The following CHTOP variants were observed in gnomAD, a reference collection of about 807,000 sequenced individuals.
CHTOP encodes the protein chromatin target of PRMT1 protein.
Under a neutral mutation model 33.6 loss-of-function variants are expected in CHTOP, and 18 were observed. The observed-to-expected ratio is 0.54, with a 90% CI of 0.37 to 0.80. The LOEUF (loss-of-function observed/expected upper bound fraction) is 0.80, where lower values mean the gene tolerates loss of function less well. CHTOP is among the 30% of genes least tolerant of loss of function. The pLI, the probability that CHTOP is intolerant of heterozygous loss-of-function variation, is 0.00. For synonymous variants in CHTOP, 117 were observed against 127.7 expected, an observed-to-expected ratio of 0.92 and a Z score of 0.56; for missense variants, 263 against 336.8, an observed-to-expected ratio of 0.78 and a Z score of 1.71.
intron 3 of CHTOP, among the ~76,000 whole-genome samples, chr1:153,639,165 G>A (rs1448182276): frequency 6.6e-6 from 1 of 152,192 alleles, no homozygotes; most frequent in Admixed American, 6.5e-5. Flanking sequence ...ACAGGCTTGA[G>A]CCACCGCGCC....
At chr1:153,636,690 G>GA (rs1179434762) in intron 2 of CHTOP, 37 bp downstream of exon 2, 1 of 1,589,726 alleles carries the variant, frequency 6.3e-7, no homozygotes, top group African/African-American at 1.3e-5. Context: ...TCCTTCCTAA[G>GA]AAAACATTAC....
rs74844193 is a variant in CHTOP at position 153,643,344 on chromosome 1, G to A, written c.521G>A (p.Arg174His). 0.014 allele frequency: 22,899 copies of A among 1,585,082 alleles called. 181 individuals are homozygous for A. The highest frequency in any genetic ancestry group is 0.016 in the Non-Finnish European group (18,919 of 1,167,622). Residue 174 changes from arginine to histidine, a missense_variant, in exon 5 of 6, where the codon CGT becomes CAT. Transcript: ENST00000368694. ...GGCCTAGGGCGTGGAGCTATGGGTC[G>A]TGGCGGAATCGGTGGTAGAGGTTAG... ...RGGLGRGAMG[R>H]GGIGGRGRGM...
intron 3 of CHTOP, among the ~76,000 whole-genome samples, chr1:153,639,159 G>T (rs1009906883): frequency 6.6e-6 from 1 of 152,178 alleles, no homozygotes; most frequent in East Asian, 1.9e-4. Flanking sequence ...GGGATTACAG[G>T]CTTGAGCCAC....
At chr1:153,639,515 C>T (rs1412016095) in intron 3 of CHTOP, 2 of 389,050 alleles carry the variant, frequency 5.1e-6, no homozygotes, top group Non-Finnish European at 7.0e-6. Context: ...AACACCCTTA[C>T]ACCCCCACCC....
At chr1:153,643,072 A>T in intron 4 of CHTOP, 155 bp from the exon 5 acceptor site, 1 of 807,082 alleles carries the variant, frequency 1.2e-6, no homozygotes, top group South Asian at 1.5e-5. Flanking sequence ...TTGAATAAAG[A>T]GTAGCTTAAT....
In CHTOP at chr1:153,640,402, G is replaced by C. The variant is rs371595235; in HGVS notation, c.220-1844G>C. Among the ~76,000 whole-genome samples, 5 of 152,292 alleles carry C rather than the reference G, an allele frequency of 3.3e-5. No homozygotes were observed. The East Asian group carries it at 7.7e-4, about 24-fold the overall frequency. On this transcript the variant is annotated intron_variant, in intron 3 of 5. Transcript: ENST00000368694. Reference sequence around the variant, plus strand: ...GAGAATCTCTTGAACCCAGGAAGTGGAGGTTGCGGTGAGTGGAGTTGGCAC... The same window carrying C: ...GAGAATCTCTTGAACCCAGGAAGTGCAGGTTGCGGTGAGTGGAGTTGGCAC...
rs1257345632 is a variant in CHTOP, at chr1:153,645,675, C to A, written c.*406C>A. ...CCCCCACAGAAACATCCCAGAAAAA[C>A]CGGTCAGTGTTCCTTCCTCCCTGAT... On this transcript the variant is annotated 3_prime_UTR_variant, in exon 6 of 6. Transcript: ENST00000368694. 2.2e-5 allele frequency: 4 copies of A among 181,756 alleles called. No individual in the cohort carries two copies. The highest frequency in any genetic ancestry group is 7.1e-5 in the African/African-American group (3 of 42,028). The allele number at this position is 181,756 out of a possible 1,614,324, so 11.3% of individuals were successfully genotyped here.
chr1:153,636,848 A>G (rs1024755252), intron 2 of CHTOP, 195 bp downstream of exon 2: 21 of 559,162 alleles, frequency 3.8e-5, no homozygotes, highest in Non-Finnish European at 6.5e-5. Flanking sequence ...GTAGACTTTT[A>G]TGTTAAGCTG....
At chr1:153,637,171 GTTC>G (rs1668438060) in intron 2 of CHTOP, 2 of 152,690 alleles carry the variant, frequency 1.3e-5, no homozygotes, top group Admixed American at 1.3e-4. Flanking sequence ...ACAGTTAAGT[GTTC>G]TTCTCTTCCA....
At chr1:153,642,883 G>A in intron 4 of CHTOP, 1 of 344,198 alleles carries the variant, frequency 2.9e-6, no homozygotes, top group Non-Finnish European at 5.5e-6. Flanking sequence ...TCCCTGTATA[G>A]TTCTTGTTCC....
At chr1:153,640,769 T>C (rs1312348364) in intron 3 of CHTOP, among the ~76,000 whole-genome samples, 1 of 152,160 alleles carries the variant, frequency 6.6e-6, no homozygotes, top group African/African-American at 2.4e-5. Context: ...AGACTGTATC[T>C]CAAAATAAAA....
At chr1:153,644,154 T>G (rs1668720513) in intron 5 of CHTOP, 1 of 152,198 alleles carries the variant, frequency 6.6e-6, no homozygotes, top group Non-Finnish European at 1.5e-5. Flanking sequence ...GTGTCTTGGG[T>G]CTTCCATAAC....
In CHTOP at chr1:153,642,274, A is replaced by C; in HGVS notation, c.248A>C (p.Asn83Thr). The change falls in exon 4 of 6, where the codon AAC becomes ACC. Residue 83 changes from asparagine (N) to threonine (T), a missense_variant. Transcript: ENST00000368694. ...QSLKQRLGKS[N>T]IQARLGRPIG... The stretch of plus-strand genomic sequence containing the variant: ...TTAAAGCAGCGCCTGGGTAAGAGTA[A>C]CATCCAGGCACGGTTAGGCCGACCC... 6.2e-7 allele frequency: 1 copy of C among 1,613,812 alleles called. No homozygotes were observed. The highest frequency in any genetic ancestry group is 8.5e-7 in the Non-Finnish European group (1 of 1,179,804).
intron 2 of CHTOP, chr1:153,638,056 G>A: frequency 2.0e-6 from 1 of 503,624 alleles, no homozygotes; most frequent in Non-Finnish European, 3.6e-6. Context: ...GCCGTTACCT[G>A]AGCCCTCGTT....
intron 5 of CHTOP, 30 bp downstream of exon 5, chr1:153,643,394 C>T (rs1668696311): frequency 1.3e-6 from 2 of 1,486,588 alleles, no homozygotes; most frequent in Non-Finnish European, 1.8e-6. Flanking sequence ...CAGAGAGTAG[C>T]TCCCCCTTAC....
intron 3 of CHTOP, among the ~76,000 whole-genome samples, chr1:153,641,702 A>T (rs1455355639): frequency 6.6e-6 from 1 of 152,222 alleles, no homozygotes; most frequent in African/African-American, 2.4e-5. Flanking sequence ...CTCAGAGGAA[A>T]AATGGAGCAC....
chr1:153,643,504 T>G (rs1557941733), intron 5 of CHTOP, 140 bp downstream of exon 5: 1 of 901,104 alleles, frequency 1.1e-6, no homozygotes, highest in African/African-American at 1.7e-5. Flanking sequence ...CTGGCTTATT[T>G]TTCAAATTAC....
chr1:153,644,009 A>ATGATGTTGC (rs2101694491), intron 5 of CHTOP: 1 of 152,302 alleles, frequency 6.6e-6, no homozygotes, highest in Admixed American at 6.5e-5. Flanking sequence ...AAAGAGTTTA[A>ATGATGTTGC]TGATGTTGCT....
chr1:153,638,469 G>T (rs938068959), intron 3 of CHTOP, 21 bp downstream of exon 3: 5 of 1,614,008 alleles, frequency 3.1e-6, no homozygotes, highest in Non-Finnish European at 1.7e-6. Context: ...GGGTCTTAAT[G>T]CTCCAGAAGC....
Sources: allele counts gnomAD v4.1 joint callset (sites outside exome capture counted in the v4.1 genomes callset), GRCh38; gene constraint gnomAD v4.1.1; transcripts MANE v1.5; gene names NCBI Gene and HGNC (gene_info 2026-07-23, HGNC 2026-07-21).